The following IFT88 variants were observed in gnomAD, a reference collection of about 807,000 sequenced individuals.
IFT88 encodes intraflagellar transport protein 88 homolog.
In IFT88, 74 loss-of-function variants were observed where a neutral mutation model predicts 119.5. That is an observed-to-expected ratio of 0.62 (90% confidence interval 0.51 to 0.75). The LOEUF is 0.75. Ranked by LOEUF, IFT88 falls within the 30% of genes least tolerant of loss-of-function variation. IFT88 has a pLI of 0.00. For synonymous variants in IFT88, 279 were observed against 316.7 expected (o/e 0.88, Z 1.26); for missense variants, 961 against 977.7 (o/e 0.98, Z 0.23).
At chr13:20,656,884 A>G (rs1464955126) in intron 22 of IFT88, among the ~76,000 whole-genome samples, 1 of 152,150 alleles carries the variant, frequency 6.6e-6, no homozygotes, top group Non-Finnish European at 1.5e-5. Context: ...TTTTAGACAG[A>G]GTCTTGCTCT....
chr13:20,593,150 A>G (rs2041001614), intron 7 of IFT88, among the ~76,000 whole-genome samples: 1 of 152,190 alleles, frequency 6.6e-6, no homozygotes, highest in Admixed American at 6.5e-5. Flanking sequence ...AACAAACTTA[A>G]TTTAGTGCTA....
chr13:20,654,552 A>G (rs2052406787), intron 21 of IFT88, among the ~76,000 whole-genome samples: 4 of 152,192 alleles, frequency 2.6e-5, no homozygotes, highest in Admixed American at 2.0e-4. Context: ...GAGCATAAAA[A>G]TGACCCAGGA....
chr13:20,671,256 T>G (rs1157761237), intron 24 of IFT88, among the ~76,000 whole-genome samples: 1 of 152,198 alleles, frequency 6.6e-6, no homozygotes, highest in East Asian at 1.9e-4. Flanking sequence ...ACCATGCTTG[T>G]TTTTGCTAGT....
chr13:20,599,828 C>T (rs566052061), intron 11 of IFT88, among the ~76,000 whole-genome samples: 5 of 152,070 alleles, frequency 3.3e-5, no homozygotes, highest in Non-Finnish European at 5.9e-5. Context: ...CCATTACTAC[C>T]CTGATATAAC....
chr13:20,601,791 G>C lies in IFT88; in HGVS notation c.899G>C (p.Ser300Thr), dbSNP rs1566146723. The C allele has an allele frequency of 6.2e-7, 1 of 1,613,490 alleles. No individual in the cohort carries two copies. The highest frequency in any genetic ancestry group is 8.5e-7 in the Non-Finnish European group (1 of 1,179,476). ...DAINSYEHIM[S>T]MAPNLKAGYN... The stretch of plus-strand genomic sequence containing the variant: ...ATTAATTCATATGAGCACATAATGA[G>C]CATGGCACCAAATCTGAAGGCAGGC... Residue 300 changes from serine (S) to threonine (T), a missense_variant, in exon 12 of 26, where the codon AGC (serine) becomes ACC (threonine). Physicochemically the swap from Ser to Thr is moderately conservative, Grantham distance 58 (BLOSUM62 1). Coordinates refer to ENST00000351808, the MANE Select transcript of IFT88 (RefSeq NM_006531.5).
intron 24 of IFT88, among the ~76,000 whole-genome samples, chr13:20,685,226 G>A (rs1319721032): frequency 6.6e-6 from 1 of 152,292 alleles, no homozygotes; most frequent in East Asian, 1.9e-4. Context: ...ATTGTTTATG[G>A]CTAGAGCAGT....
chr13:20,598,376 C>T (rs371439166), intron 9 of IFT88, among the ~76,000 whole-genome samples: 2 of 152,136 alleles, frequency 1.3e-5, no homozygotes, highest in East Asian at 3.9e-4. Flanking sequence ...CACATTTATT[C>T]TTTGTAGGTC....
In IFT88 at chr13:20,599,518, C is replaced by A; in HGVS notation, c.765C>A (p.Phe255Leu). Residue 255 changes from phenylalanine (F) to leucine (L), a missense_variant, in exon 11 of 26, where the codon TTC becomes TTA. By Grantham distance (22) the Phe-to-Leu change is conservative. Coordinates refer to ENST00000351808, the MANE Select transcript of IFT88 (RefSeq NM_006531.5). The stretch of plus-strand genomic sequence containing the variant: ...GAAATTATTCCAAAGCCATTAAATT[C>A]TACCGAATGGCATTAGACCAAGTTC... ...KQRNYSKAIK[F>L]YRMALDQVPS... 1.3e-6 allele frequency: 2 copies of A among 1,558,778 alleles called. No homozygotes were observed. The highest frequency in any genetic ancestry group is 1.8e-6 in the Non-Finnish European group (2 of 1,139,556).
chr13:20,608,880 C>G (rs749673117), intron 13 of IFT88, among the ~76,000 whole-genome samples: 2 of 152,206 alleles, frequency 1.3e-5, no homozygotes, highest in Non-Finnish European at 2.9e-5. Flanking sequence ...GAAAGGGAAA[C>G]TGCTCTCTCT....
chr13:20,684,425 C>T (rs989714600), intron 24 of IFT88, among the ~76,000 whole-genome samples: 28 of 152,194 alleles, frequency 1.8e-4, no homozygotes, highest in Non-Finnish European at 4.1e-4. Context: ...GTCATCTCTT[C>T]TGTTAGTTAC....
intron 23 of IFT88, among the ~76,000 whole-genome samples, chr13:20,665,847 T>A (rs984829818): frequency 6.6e-6 from 1 of 152,174 alleles, no homozygotes. Context: ...TCAGAGGCAG[T>A]TCCCAGACGG....
At chr13:20,589,490 C>T (rs1235625823) in intron 3 of IFT88, among the ~76,000 whole-genome samples, 1 of 152,082 alleles carries the variant, frequency 6.6e-6, no homozygotes, top group East Asian at 1.9e-4. Context: ...TATTGTTTGG[C>T]CTAGTGGCTA....
intron 20 of IFT88, among the ~76,000 whole-genome samples, chr13:20,646,569 C>T (rs1594600145): frequency 6.6e-6 from 1 of 152,162 alleles, no homozygotes; most frequent in Non-Finnish European, 1.5e-5. Context: ...CCATTCGCCT[C>T]AGCCTCCCAA....
chr13:20,690,750 G>C lies in IFT88; in HGVS notation c.2288G>C (p.Ser763Thr), dbSNP rs1429504394. Residue 763 changes from serine (S) to threonine (T), a missense_variant, in exon 25 of 26, where the codon AGT becomes ACT. By Grantham distance (58) the Ser-to-Thr change is moderately conservative. Coordinates refer to ENST00000351808, the MANE Select transcript of IFT88 (RefSeq NM_006531.5). ...YSASSKGERL[S>T]ARLRALPGTN... ...GCCAGTAGTAAAGGTGAACGACTAAGTGCCAGACTCAGAGCTTTACCTGGG... is the reference window on the plus strand; with the variant it reads ...GCCAGTAGTAAAGGTGAACGACTAACTGCCAGACTCAGAGCTTTACCTGGG... 4 of 1,613,816 alleles carry C rather than the reference G, an allele frequency of 2.5e-6. No individual in the cohort carries two copies. The African/African-American group carries it at 5.3e-5, about 22-fold the overall frequency.
At chr13:20,607,695 C>A in intron 13 of IFT88, 1 of 800,572 alleles carries the variant, frequency 1.2e-6, no homozygotes, top group Non-Finnish European at 2.3e-6. Flanking sequence ...TTGACTACGT[C>A]TCACAGTGGC....
intron 20 of IFT88, among the ~76,000 whole-genome samples, chr13:20,650,635 T>G (rs1167172216): frequency 2.0e-5 from 3 of 152,046 alleles, no homozygotes; most frequent in Admixed American, 6.5e-5. Flanking sequence ...GAAAAAGAAA[T>G]AAAATGCATC....
intron 23 of IFT88, among the ~76,000 whole-genome samples, chr13:20,669,066 AC>A: frequency 6.6e-6 from 1 of 152,316 alleles, no homozygotes; most frequent in East Asian, 1.9e-4. Context: ...CACTGAACCA[AC>A]CGAGGCTTAG....
At chr13:20,590,405 G>A (rs1044080254) in intron 4 of IFT88, among the ~76,000 whole-genome samples, 1 of 152,106 alleles carries the variant, frequency 6.6e-6, no homozygotes, top group African/African-American at 2.4e-5. Flanking sequence ...TGAGAAAAAT[G>A]GAAGAATTAG....
intron 22 of IFT88, among the ~76,000 whole-genome samples, chr13:20,658,440 A>T (rs774229282): frequency 6.6e-6 from 1 of 152,208 alleles, no homozygotes; most frequent in Non-Finnish European, 1.5e-5. Context: ...ATTTAGATTT[A>T]CAGTGGATGC....
Sources: gnomAD v4.1 joint callset for allele counts (sites outside exome capture counted in the v4.1 genomes callset) on GRCh38, gnomAD v4.1.1 for gene constraint, MANE v1.5 for transcripts, NCBI Gene and HGNC (gene_info 2026-07-23, HGNC 2026-07-21) for gene names.